SYNPO2: variants seen among roughly 807,000 people sequenced by gnomAD.
The protein encoded by SYNPO2 is synaptopodin 2.
A neutral mutation model predicts 85.0 loss-of-function variants in SYNPO2; 56 were observed. That is an observed-to-expected ratio of 0.66 (90% CI 0.53 to 0.82). The LOEUF (loss-of-function observed/expected upper bound fraction) is 0.82, where lower values mean the gene tolerates loss of function less well. SYNPO2 is among the 40% of genes least tolerant of loss of function. SYNPO2 has a pLI of 0.00. For synonymous variants in SYNPO2, 602 were observed against 591.1 expected (o/e 1.02, Z -0.27); for missense variants, 1,575 against 1,534.2 (o/e 1.03, Z -0.44).
At chr4:118,908,252 G>C (rs1733002963) in intron 1 of SYNPO2, among the ~76,000 whole-genome samples, 1 of 151,864 alleles carries the variant, frequency 6.6e-6, no homozygotes, top group Non-Finnish European at 1.5e-5. Context: ...AAGAATATGT[G>C]AATTAATTTG....
rs530867566 is a variant in SYNPO2 at position 118,946,220 on chromosome 4, G to GT, written c.105+57080dup. On this transcript the variant is annotated intron_variant, in intron 1 of 4. Transcript: ENST00000307142. ...TAAGAAGTTCCCCACATGAAATACT[G>GT]TAAGTGGGTCCAGATGCCATAACCT... 2.0e-4 allele frequency among the ~76,000 whole-genome samples: 30 copies of GT among 152,274 alleles called. No homozygotes were observed. The South Asian group carries it at 5.8e-3, about 29-fold the overall frequency.
chr4:118,872,119 AT>A (rs919438186), intron 1 of SYNPO2, among the ~76,000 whole-genome samples: 9 of 152,026 alleles, frequency 5.9e-5, no homozygotes, highest in Non-Finnish European at 1.2e-4. Context: ...CTTATTAGGT[AT>A]TTTTTTTCTT....
intron 1 of SYNPO2, among the ~76,000 whole-genome samples, chr4:119,004,195 G>A (rs1265985191): frequency 6.6e-6 from 1 of 152,020 alleles, no homozygotes; most frequent in African/African-American, 2.4e-5. Context: ...TCCCAAGTCT[G>A]TCCATTTGTG....
intron 1 of SYNPO2, among the ~76,000 whole-genome samples, chr4:118,942,971 G>C (rs1011555192): frequency 1.3e-5 from 2 of 152,100 alleles, no homozygotes. Flanking sequence ...GCTGGGCATG[G>C]GGGCATGCGC....
At chr4:118,934,910 G>A (rs541924784) in intron 1 of SYNPO2, among the ~76,000 whole-genome samples, 56 of 152,134 alleles carry the variant, frequency 3.7e-4, no homozygotes, top group African/African-American at 1.3e-3. Flanking sequence ...TTATTCATCG[G>A]TGTTTATTTT....
intron 1 of SYNPO2, among the ~76,000 whole-genome samples, chr4:118,946,967 G>A (rs768195423): frequency 1.1e-4 from 16 of 152,194 alleles, no homozygotes; most frequent in Non-Finnish European, 2.1e-4. Context: ...CTTATTAGTT[G>A]TGTTGCTTTC....
intron 1 of SYNPO2, among the ~76,000 whole-genome samples, chr4:118,877,939 CA>C (rs1385448184): frequency 6.6e-6 from 1 of 152,050 alleles, no homozygotes; most frequent in Non-Finnish European, 1.5e-5. Flanking sequence ...TTCACGATAG[CA>C]AAGACTTGGA....
At chr4:119,036,996 T>C (rs1738542759) in intron 4 of SYNPO2, 1 of 1,332,110 alleles carries the variant, frequency 7.5e-7, no homozygotes, top group East Asian at 2.7e-5. Flanking sequence ...GTTATTAATA[T>C]AGGTAATAAT....
At position 119,060,480 on chromosome 4, in the gene SYNPO2, A is replaced by C. The variant is rs1739377655; in HGVS notation, c.*2546A>C. 6.6e-6 allele frequency: 1 copy of C among 152,208 alleles called. No homozygotes were observed. The highest frequency in any genetic ancestry group is 2.4e-5 in the African/African-American group (1 of 41,464). The allele number at this position is 152,208 out of a possible 1,614,324, so 9.4% of individuals were successfully genotyped here. On this transcript the variant is annotated 3_prime_UTR_variant, in exon 5 of 5. Coordinates refer to ENST00000307142, the MANE Select transcript of SYNPO2 (RefSeq NM_133477.3). ...TTCTCCAGCATACTTGAAAATGAAT[A>C]AAGTTAGATTGCTCACATTGAAGCT...
chr4:118,884,692 T>C (rs1732168880), upstream of SYNPO2, among the ~76,000 whole-genome samples: 1 of 152,168 alleles, frequency 6.6e-6, no homozygotes, highest in South Asian at 2.1e-4. Flanking sequence ...TCTAATAAAG[T>C]AAACAAAAAA....
intron 1 of SYNPO2, among the ~76,000 whole-genome samples, chr4:118,952,624 T>C (rs1327848686): frequency 3.3e-5 from 5 of 152,146 alleles, no homozygotes; most frequent in Non-Finnish European, 7.4e-5. Flanking sequence ...AATAATGTAA[T>C]ACCAAACTGC....
intron 1 of SYNPO2, among the ~76,000 whole-genome samples, chr4:119,004,891 G>C (rs577439874): frequency 5.3e-5 from 8 of 151,886 alleles, no homozygotes; most frequent in Non-Finnish European, 1.2e-4. Context: ...AGCACCTGTT[G>C]TTTCCTGACT....
intron 1 of SYNPO2, among the ~76,000 whole-genome samples, chr4:118,950,486 A>T (rs1490512): frequency 0.19 from 29,556 of 152,152 alleles, 3,458 homozygotes; most frequent in South Asian, 0.29. Context: ...AAGCAAGGGG[A>T]GTAGCTGAAT....
rs571255533 is a variant in SYNPO2 at position 119,038,250 on chromosome 4, A to G, written c.3252+6223A>G. The G allele has an allele frequency of 1.9e-5, 19 of 985,394 alleles. No homozygotes were observed. The South Asian group carries it at 8.0e-4, about 41-fold the overall frequency. 61.0% of individuals were successfully genotyped at this position (985,394 alleles called of 1,614,324 possible). A position where few individuals can be genotyped will look rare whatever the true frequency, so the allele number is the denominator to read the frequency against. Reference sequence around the variant, plus strand: ...TGTCTCTGCTTTGTAGATAGCTTTGACCACATTCAATGACATTAGGAAAGA... The same window carrying G: ...TGTCTCTGCTTTGTAGATAGCTTTGGCCACATTCAATGACATTAGGAAAGA... On this transcript the variant is annotated intron_variant, in intron 4 of 4. Coordinates refer to ENST00000307142, the MANE Select transcript of SYNPO2 (RefSeq NM_133477.3).
At chr4:118,922,991 T>C in intron 1 of SYNPO2, among the ~76,000 whole-genome samples, 1 of 152,260 alleles carries the variant, frequency 6.6e-6, no homozygotes, top group Admixed American at 6.5e-5. Context: ...AAAGTAAATC[T>C]TTAAAATAAG....
intron 1 of SYNPO2, among the ~76,000 whole-genome samples, chr4:118,917,799 G>A (rs937902944): frequency 3.3e-5 from 5 of 152,138 alleles, no homozygotes; most frequent in African/African-American, 1.2e-4. Context: ...TATGCCATGA[G>A]TCATTTCTCT....
At chr4:118,943,106 CAAA>C (rs1321117002) in intron 1 of SYNPO2, among the ~76,000 whole-genome samples, 1 of 108,118 alleles carries the variant, frequency 9.2e-6, no homozygotes, top group Non-Finnish European at 2.0e-5. Flanking sequence ...GACTCCATCT[CAAA>C]AAAAAAAAAA....
rs141664638 is a variant in SYNPO2 at position 119,031,874 on chromosome 4, T to A, written c.3099T>A (p.Pro1033=). The A allele has an allele frequency of 2.2e-5, 35 of 1,614,094 alleles. No individual in the cohort carries two copies. The African/African-American group carries it at 4.5e-4, about 21-fold the overall frequency. ...ACTCGGTACCAGCCTATACCTCTCC[T>A]CCTTCCTTCTTTGCAGAGGCCTCCT... ...SVYSVPAYTS[P]PSFFAEASSP... is the part of the protein sequence containing the mutation. Residue 1033 remains proline, a synonymous_variant, in exon 4 of 5, where the codon CCT becomes CCA. Coordinates refer to ENST00000307142, the MANE Select transcript of SYNPO2 (RefSeq NM_133477.3).
chr4:119,038,643 A>G, intron 4 of SYNPO2: 6 of 837,922 alleles, frequency 7.2e-6, no homozygotes, highest in Non-Finnish European at 8.6e-6. Flanking sequence ...AAGGCATTTC[A>G]ACAAGAATAA....
Sources: allele counts gnomAD v4.1 joint callset (sites outside exome capture counted in the v4.1 genomes callset), GRCh38; gene constraint gnomAD v4.1.1; transcripts MANE v1.5; gene names NCBI Gene and HGNC (gene_info 2026-07-23, HGNC 2026-07-21).